PIK3C2G: variants seen among roughly 807,000 people sequenced by gnomAD.
The protein encoded by PIK3C2G is phosphatidylinositol-4-phosphate 3-kinase catalytic subunit type 2 gamma, also known as phosphatidylinositol 3-kinase C2 domain-containing subunit gamma.
A neutral mutation model predicts 181.1 loss-of-function variants in PIK3C2G; 168 were observed. That is an observed-to-expected ratio of 0.93 (90% confidence interval 0.82 to 1.05). The LOEUF (loss-of-function observed/expected upper bound fraction) is 1.05, where lower values mean the gene tolerates loss of function less well. PIK3C2G is among the 50% of genes least tolerant of loss of function. PIK3C2G has a pLI of 0.00. For missense variants in PIK3C2G, 1,869 were observed against 1,732.8 expected, an observed-to-expected ratio of 1.08 and a Z score of -1.40; for synonymous variants, 573 against 592.2, an observed-to-expected ratio of 0.97 and a Z score of 0.47.
chr12:18,724,353 T>C, the PIK3C2G span, among the ~76,000 whole-genome samples: 2 of 152,086 alleles, frequency 1.3e-5, no homozygotes, highest in African/African-American at 4.8e-5. Flanking sequence ...CAAGAATGAC[T>C]GGGGTCAGGG....
the PIK3C2G span, among the ~76,000 whole-genome samples, chr12:18,672,757 TC>T: frequency 6.6e-6 from 1 of 152,090 alleles, no homozygotes; most frequent in African/African-American, 2.4e-5. Context: ...AACTCTTCCC[TC>T]CCTTCAACCT....
At chr12:18,695,656 G>C in the PIK3C2G span, among the ~76,000 whole-genome samples, 1 of 152,004 alleles carries the variant, frequency 6.6e-6, no homozygotes, top group African/African-American at 2.4e-5. Context: ...GGTAACACCT[G>C]GTACTTTCTG....
chr12:18,663,820 T>C, the PIK3C2G span, among the ~76,000 whole-genome samples: 15 of 152,170 alleles, frequency 9.9e-5, no homozygotes, highest in African/African-American at 3.6e-4. Flanking sequence ...ATATACAAAA[T>C]GGAAGAAAAT....
At chr12:18,310,047 G>A (rs555261533) in intron 5 of PIK3C2G, among the ~76,000 whole-genome samples, 5 of 151,694 alleles carry the variant, frequency 3.3e-5, no homozygotes, top group African/African-American at 1.2e-4. Flanking sequence ...TGAAAATGAA[G>A]TTGAAATTTT....
the PIK3C2G span, among the ~76,000 whole-genome samples, chr12:18,723,754 G>A: frequency 2.0e-5 from 3 of 152,144 alleles, no homozygotes; most frequent in South Asian, 6.2e-4. Context: ...GTGGTTATAG[G>A]GATAAAGAAA....
intron 26 of PIK3C2G, among the ~76,000 whole-genome samples, chr12:18,559,948 A>C (rs531936659): frequency 1.3e-3 from 200 of 148,728 alleles, no homozygotes; most frequent in Non-Finnish European, 2.7e-3. Flanking sequence ...GATCCAAGCA[A>C]TTCTCCTGCC....
chr12:18,422,509 C>T (rs941022411), intron 17 of PIK3C2G, among the ~76,000 whole-genome samples: 10 of 151,844 alleles, frequency 6.6e-5, no homozygotes, highest in African/African-American at 2.4e-4. Flanking sequence ...AAGAAAAGAC[C>T]CTAAGGCTGT....
chr12:18,677,121 G>A, the PIK3C2G span, among the ~76,000 whole-genome samples: 2 of 152,090 alleles, frequency 1.3e-5, no homozygotes, highest in African/African-American at 2.4e-5. Context: ...ATGTAGAAAA[G>A]GGGAGTCTGT....
chr12:18,384,983 TAG>T (rs1943072528), intron 14 of PIK3C2G, among the ~76,000 whole-genome samples: 1 of 152,100 alleles, frequency 6.6e-6, no homozygotes, highest in African/African-American at 2.4e-5. Context: ...CAGCTAAATT[TAG>T]AGCAGAATCT....
rs554740564 is a variant in PIK3C2G at position 18,586,104 on chromosome 12, C to A, written c.4012-8390C>A. 1.4e-4 allele frequency among the ~76,000 whole-genome samples: 22 copies of A among 152,212 alleles called. No homozygotes were observed. The East Asian group carries it at 4.0e-3, about 28-fold the overall frequency. On this transcript the variant is annotated intron_variant, in intron 29 of 32. Transcript: ENST00000538779. ...ACCCACATCAAAAAGTTAGAAACAT[C>A]TCAAATTAACAACCTAACATCACAA...
At chr12:18,706,094 G>A in the PIK3C2G span, among the ~76,000 whole-genome samples, 11 of 151,874 alleles carry the variant, frequency 7.2e-5, no homozygotes, top group East Asian at 1.9e-4. Flanking sequence ...TTAGCTAGGC[G>A]TGGTGGCAGG....
chr12:18,259,043 T>C (rs372045683), upstream of PIK3C2G, among the ~76,000 whole-genome samples: 4 of 152,272 alleles, frequency 2.6e-5, no homozygotes, highest in East Asian at 7.7e-4. Context: ...AGTAGCTGCA[T>C]TATTACCTGT....
At chr12:18,440,534 C>T (rs918852432) in intron 18 of PIK3C2G, among the ~76,000 whole-genome samples, 5 of 152,094 alleles carry the variant, frequency 3.3e-5, no homozygotes, top group African/African-American at 1.2e-4. Context: ...TGAAAAAGAC[C>T]TCAGTGAAGT....
At chr12:18,357,947 A>C (rs11044047) in intron 11 of PIK3C2G, among the ~76,000 whole-genome samples, 5,961 of 152,288 alleles carry the variant, frequency 0.039, 169 homozygotes, top group Non-Finnish European at 0.061. Context: ...GTCAAGGTTG[A>C]ATAATATATC....
the PIK3C2G span, chr12:18,695,106 G>T: frequency 6.3e-7 from 1 of 1,596,760 alleles, no homozygotes; most frequent in East Asian, 2.2e-5. Context: ...TTTTGACATT[G>T]TCAGGTAATA....
chr12:18,618,436 C>A (rs528849322), intron 31 of PIK3C2G, among the ~76,000 whole-genome samples: 1 of 152,228 alleles, frequency 6.6e-6, no homozygotes, highest in Admixed American at 6.5e-5. Context: ...CACCTAAAAA[C>A]AAAAGTTAGA....
At chr12:18,534,632 A>G (rs1045986610) in intron 24 of PIK3C2G, among the ~76,000 whole-genome samples, 1 of 151,874 alleles carries the variant, frequency 6.6e-6, no homozygotes, top group African/African-American at 2.4e-5. Context: ...TGTTAAGACT[A>G]TATAAAAGGA....
At chr12:18,421,075 C>A (rs756217956) in intron 17 of PIK3C2G, 41 bp downstream of exon 17, 1 of 1,049,214 alleles carries the variant, frequency 9.5e-7, no homozygotes, top group Admixed American at 1.8e-5. Flanking sequence ...AGGGTTTTAA[C>A]TAATTATCTC....
chr12:18,411,501 T>C (rs1366582151), intron 16 of PIK3C2G, among the ~76,000 whole-genome samples: 1 of 152,188 alleles, frequency 6.6e-6, no homozygotes, highest in Non-Finnish European at 1.5e-5. Flanking sequence ...AAAAATCCTA[T>C]TCACCACTTT....
Sources: allele counts gnomAD v4.1 joint callset (sites outside exome capture counted in the v4.1 genomes callset), GRCh38; gene constraint gnomAD v4.1.1; transcripts MANE v1.5; gene names NCBI Gene and HGNC (gene_info 2026-07-23, HGNC 2026-07-21).